The following NGEF variants were observed in gnomAD, a reference collection of about 807,000 sequenced individuals.
NGEF encodes the protein ephexin-1.
Under a neutral mutation model 80.9 loss-of-function variants are expected in NGEF, and 31 were observed. That is an observed-to-expected ratio of 0.38 (90% confidence interval 0.29 to 0.52). NGEF has a LOEUF of 0.52. Ranked by LOEUF, NGEF falls within the 20% of genes least tolerant of loss-of-function variation. NGEF has a pLI of 0.84. For missense variants in NGEF, 709 were observed against 926.2 expected (o/e 0.77, Z 3.04); for synonymous variants, 371 against 370.2 (o/e 1.00, Z -0.03).
intron 1 of NGEF, among the ~76,000 whole-genome samples, chr2:232,983,701 C>T (rs548138742): frequency 6.6e-6 from 1 of 152,260 alleles, no homozygotes; most frequent in African/African-American, 2.4e-5. Context: ...CCACTGTGCC[C>T]CGGTCTCGGT....
intron 3 of NGEF, among the ~76,000 whole-genome samples, chr2:232,946,165 A>G (rs1693553821): frequency 6.6e-6 from 1 of 152,066 alleles, no homozygotes; most frequent in Non-Finnish European, 1.5e-5. Context: ...ACAGTATTCT[A>G]AGTGAAGTAA....
At chr2:232,995,641 T>TG (rs1369701833) in intron 1 of NGEF, among the ~76,000 whole-genome samples, 3 of 65,228 alleles carry the variant, frequency 4.6e-5, no homozygotes, top group African/African-American at 2.0e-4. Flanking sequence ...TATATATGTA[T>TG]TATAGTGTAT....
At chr2:232,988,166 C>G (rs1694577511) in intron 1 of NGEF, among the ~76,000 whole-genome samples, 1 of 151,898 alleles carries the variant, frequency 6.6e-6, no homozygotes, top group Non-Finnish European at 1.5e-5. Context: ...GCTGGCTGAT[C>G]CCTGCTCCCT....
At chr2:232,917,013 G>A (rs538290139) in intron 5 of NGEF, among the ~76,000 whole-genome samples, 1 of 152,364 alleles carries the variant, frequency 6.6e-6, no homozygotes, top group South Asian at 2.1e-4. Flanking sequence ...CCCATCTGGT[G>A]AGGATGCACC....
At chr2:232,976,999 C>T (rs1453213908) in intron 1 of NGEF, among the ~76,000 whole-genome samples, 3 of 152,272 alleles carry the variant, frequency 2.0e-5, no homozygotes, top group South Asian at 4.1e-4. Context: ...AATACGCACC[C>T]TTCCCGGGAG....
At chr2:232,900,130 A>G (rs1343189557) in intron 5 of NGEF, among the ~76,000 whole-genome samples, 1 of 103,262 alleles carries the variant, frequency 9.7e-6, no homozygotes, top group African/African-American at 4.3e-5. Flanking sequence ...ACGTTCACTC[A>G]CATTCTCACA....
At chr2:232,961,249 C>T (rs1693945700) in intron 3 of NGEF, among the ~76,000 whole-genome samples, 1 of 152,154 alleles carries the variant, frequency 6.6e-6, no homozygotes, top group Non-Finnish European at 1.5e-5. Context: ...TTCTTATCTC[C>T]ATTCTCTGCT....
At chr2:232,954,323 T>C (rs1415405060) in intron 3 of NGEF, among the ~76,000 whole-genome samples, 1 of 152,158 alleles carries the variant, frequency 6.6e-6, no homozygotes, top group Non-Finnish European at 1.5e-5. Context: ...GTGAATAAGA[T>C]ACCAGCCCAG....
At position 232,882,284 on chromosome 2, in the gene NGEF, C is replaced by T. The variant is rs1458947701; in HGVS notation, c.1758-19G>A. ...CTCACTCCTGGCACAGGGAAGAGGA[C>T]AGTGCCCCAACTGCAGATCAACGGC... On this transcript the variant is annotated intron_variant, in intron 12 of 14. Transcript: ENST00000264051. 4 of 1,609,914 alleles carry T rather than the reference C, an allele frequency of 2.5e-6. No individual in the cohort carries two copies.
intron 3 of NGEF, among the ~76,000 whole-genome samples, chr2:232,955,528 G>T (rs191835328): frequency 1.7e-4 from 26 of 152,270 alleles, no homozygotes; most frequent in Non-Finnish European, 3.5e-4. Context: ...TTGTTGGCTG[G>T]TTGGTTTGTT....
chr2:233,003,131 G>A (rs531800242), intron 1 of NGEF, among the ~76,000 whole-genome samples: 2 of 152,194 alleles, frequency 1.3e-5, no homozygotes, highest in Non-Finnish European at 2.9e-5. Flanking sequence ...ATCCATGTGA[G>A]TTAATCGTGA....
chr2:232,905,758 T>G (rs9752212), intron 5 of NGEF: 1 of 365,578 alleles, frequency 2.7e-6, no homozygotes. Flanking sequence ...CCCACCGCCC[T>G]GTCTGGGATG....
intron 1 of NGEF, among the ~76,000 whole-genome samples, chr2:232,975,818 C>T (rs1694280107): frequency 6.6e-6 from 1 of 152,098 alleles, no homozygotes. Flanking sequence ...CCTGGGGTCA[C>T]ATGGATTCTA....
chr2:232,980,325 A>G (rs879818857), intron 1 of NGEF, among the ~76,000 whole-genome samples: 15 of 152,062 alleles, frequency 9.9e-5, no homozygotes, highest in Admixed American at 5.9e-4. Flanking sequence ...TGTAGCAATC[A>G]CCAGCTACTG....
Position 232,960,360 on chromosome 2 carries a change from G to C in NGEF, c.383+9854C>G, listed in dbSNP as rs1245799341. On this transcript the variant is annotated intron_variant, in intron 3 of 14. Transcript: ENST00000264051. The stretch of plus-strand genomic sequence containing the variant: ...GTCCCAACACAATACCTGAACTTGA[G>C]AGGACCCCAAGGGACTGAGTCAGTG... Among the ~76,000 whole-genome samples the C allele has an allele frequency of 2.6e-5, 4 of 152,214 alleles. 1 individual carries two copies. Among genetic ancestry groups the C allele is most frequent in the Admixed American group, 2.6e-4 (4 of 15,288 alleles).
intron 5 of NGEF, among the ~76,000 whole-genome samples, chr2:232,895,748 C>T (rs1321348578): frequency 6.6e-6 from 1 of 152,128 alleles, no homozygotes; most frequent in Non-Finnish European, 1.5e-5. Context: ...CCTTTTGAAT[C>T]GCCTGATAAT....
At chr2:232,953,210 G>A (rs1180044243) in intron 3 of NGEF, among the ~76,000 whole-genome samples, 1 of 147,290 alleles carries the variant, frequency 6.8e-6, no homozygotes, top group Non-Finnish European at 1.5e-5. Flanking sequence ...ACTGAAGCAG[G>A]AGAATCGCTG....
intron 13 of NGEF, among the ~76,000 whole-genome samples, chr2:232,881,568 C>G (rs1049151412): frequency 1.3e-5 from 2 of 152,116 alleles, no homozygotes; most frequent in Non-Finnish European, 2.9e-5. Flanking sequence ...GGGTTAGCAG[C>G]TTCTCCATAA....
intron 3 of NGEF, among the ~76,000 whole-genome samples, chr2:232,960,305 G>C (rs1402119857): frequency 1.3e-5 from 2 of 152,216 alleles, no homozygotes; most frequent in African/African-American, 4.8e-5. Flanking sequence ...CTAGAACCCT[G>C]ATTCATGACC....
Sources: gnomAD v4.1 joint callset for allele counts (sites outside exome capture counted in the v4.1 genomes callset) on GRCh38, gnomAD v4.1.1 for gene constraint, MANE v1.5 for transcripts, NCBI Gene and HGNC (gene_info 2026-07-23, HGNC 2026-07-21) for gene names.